The following DPYD variants were observed in gnomAD, a reference collection of about 807,000 sequenced individuals.
The protein encoded by DPYD is dihydropyrimidine dehydrogenase, also known as dihydropyrimidine dehydrogenase [NADP(+)].
A neutral mutation model predicts 116.2 loss-of-function variants in DPYD; 109 were observed. That is an observed-to-expected ratio of 0.94 (90% CI 0.80 to 1.10). The LOEUF is 1.10. Among genes scored for constraint, DPYD ranks in the 50% least tolerant of loss-of-function variants. The pLI, the probability that DPYD is intolerant of heterozygous loss-of-function variation, is 0.00. For missense variants in DPYD, 1,302 were observed against 1,254.5 expected, an observed-to-expected ratio of 1.04 and a Z score of -0.57; for synonymous variants, 440 against 432.0, an observed-to-expected ratio of 1.02 and a Z score of -0.23.
intron 11 of DPYD, among the ~76,000 whole-genome samples, chr1:97,567,233 T>C (rs1465169157): frequency 2.0e-5 from 3 of 152,122 alleles, no homozygotes; most frequent in Non-Finnish European, 2.9e-5. Flanking sequence ...AAAGCTGCTA[T>C]TGACAGAATG....
chr1:97,638,249 G>A (rs1657682285), intron 8 of DPYD, among the ~76,000 whole-genome samples: 1 of 152,038 alleles, frequency 6.6e-6, no homozygotes, highest in Non-Finnish European at 1.5e-5. Flanking sequence ...ACCAGGATTT[G>A]GTCAAGAGAG....
At position 97,206,646 on chromosome 1, in the gene DPYD, A is replaced by ATG. The variant is rs10651231; in HGVS notation, c.2443-13399_2443-13398insCA. Among the ~76,000 whole-genome samples the ATG allele has an allele frequency of 9.0e-3, 377 of 41,990 alleles. 3 individuals carry two copies. Among genetic ancestry groups the ATG allele is most frequent in the African/African-American group, 0.065 (298 of 4,600 alleles). 27.5% of individuals were successfully genotyped at this position (41,990 alleles called of 152,430 possible). A position where few individuals can be genotyped will look rare whatever the true frequency, so the allele number is the denominator to read the frequency against. On this transcript the variant is annotated intron_variant, in intron 19 of 22. Transcript: ENST00000370192. ...GTGAAAACAGGGAGATTTTATATAT[A>ATG]TATATATATATATATATATATATAT...
At chr1:97,848,242 C>T (rs1437377091) in intron 2 of DPYD, among the ~76,000 whole-genome samples, 3 of 152,106 alleles carry the variant, frequency 2.0e-5, no homozygotes, top group Non-Finnish European at 2.9e-5. Context: ...CAACTATAGG[C>T]GCCTGCCACC....
intron 12 of DPYD, among the ~76,000 whole-genome samples, chr1:97,526,712 G>T (rs1043922283): frequency 2.0e-5 from 3 of 152,048 alleles, no homozygotes; most frequent in African/African-American, 7.2e-5. Flanking sequence ...GTTTAAGTTC[G>T]GAAGATAGTC....
At chr1:97,504,260 C>T (rs1679758309) in intron 13 of DPYD, among the ~76,000 whole-genome samples, 1 of 151,910 alleles carries the variant, frequency 6.6e-6, no homozygotes, top group East Asian at 1.9e-4. Context: ...CAGTGTCCCA[C>T]TCTGCTTGAT....
At chr1:97,515,379 C>T (rs1396000944) in intron 13 of DPYD, among the ~76,000 whole-genome samples, 2 of 151,842 alleles carry the variant, frequency 1.3e-5, no homozygotes, top group Non-Finnish European at 2.9e-5. Context: ...GAATTTTGTG[C>T]AAACCAAATC....
At chr1:97,472,061 A>C (rs1404482166) in intron 13 of DPYD, among the ~76,000 whole-genome samples, 1 of 146,816 alleles carries the variant, frequency 6.8e-6, no homozygotes, top group Non-Finnish European at 1.5e-5. Flanking sequence ...GAAAAGAGTC[A>C]TACAAAAAAT....
intron 20 of DPYD, among the ~76,000 whole-genome samples, chr1:97,152,642 T>C (rs917923161): frequency 4.6e-5 from 7 of 150,992 alleles, no homozygotes; most frequent in Non-Finnish European, 8.8e-5. Context: ...ATATAACATA[T>C]ATATGCAAGG....
chr1:97,167,511 T>G (rs1570589265), intron 20 of DPYD, among the ~76,000 whole-genome samples: 1 of 152,290 alleles, frequency 6.6e-6, no homozygotes, highest in Admixed American at 6.5e-5. Context: ...GCTTTCTATA[T>G]TCTACAAAAG....
intron 12 of DPYD, chr1:97,546,538 A>G: frequency 6.3e-7 from 1 of 1,596,702 alleles, no homozygotes. Flanking sequence ...ACTACAAAGC[A>G]TACAGCAAGA....
At chr1:97,616,655 T>C (rs1378007752) in intron 8 of DPYD, among the ~76,000 whole-genome samples, 1 of 152,162 alleles carries the variant, frequency 6.6e-6, no homozygotes, top group Non-Finnish European at 1.5e-5. Flanking sequence ...ACTTAAGTGC[T>C]TAGATAACCG....
intron 2 of DPYD, among the ~76,000 whole-genome samples, chr1:97,870,755 A>G (rs983408128): frequency 6.6e-6 from 1 of 151,972 alleles, no homozygotes; most frequent in East Asian, 1.9e-4. Context: ...ACGTCAGTTC[A>G]AAGGATCAGA....
rs563042346 is a variant in DPYD, at chr1:97,558,685, G to C, written c.1340-8941C>G. On this transcript the variant is annotated intron_variant, in intron 11 of 22. Coordinates refer to ENST00000370192, the MANE Select transcript of DPYD (RefSeq NM_000110.4). Reference sequence around the variant, plus strand: ...CTCCCCAAGTTGAATGGAAACGATGGATGTCAATAATAGCCTATAGCAACT... The same window carrying C: ...CTCCCCAAGTTGAATGGAAACGATGCATGTCAATAATAGCCTATAGCAACT... Among the ~76,000 whole-genome samples the C allele has an allele frequency of 5.2e-4, 79 of 152,246 alleles. 1 individual carries two copies. The highest frequency in any genetic ancestry group is 1.9e-3 in the African/African-American group (79 of 41,564).
At chr1:97,339,477 A>G (rs1443038055) in intron 16 of DPYD, among the ~76,000 whole-genome samples, 1 of 152,238 alleles carries the variant, frequency 6.6e-6, no homozygotes, top group Non-Finnish European at 1.5e-5. Context: ...CTATGTTATT[A>G]AAAGAAAATG....
intron 11 of DPYD, among the ~76,000 whole-genome samples, chr1:97,555,063 A>T (rs1199736667): frequency 6.6e-6 from 1 of 152,134 alleles, no homozygotes; most frequent in Non-Finnish European, 1.5e-5. Flanking sequence ...TATTCCTTGA[A>T]TGAAAGTATG....
At chr1:97,751,700 T>A (rs1270136274) in intron 3 of DPYD, among the ~76,000 whole-genome samples, 1 of 151,236 alleles carries the variant, frequency 6.6e-6, no homozygotes, top group Non-Finnish European at 1.5e-5. Context: ...GCCCAGAAGG[T>A]CAAGGCTGCA....
rs539772908 is a variant in DPYD, at chr1:97,569,210, G to C, written c.1339+4550C>G. Among the ~76,000 whole-genome samples, 111 of 151,824 alleles carry C rather than the reference G, an allele frequency of 7.3e-4. 2 individuals are homozygous for C. Among genetic ancestry groups the C allele is most frequent in the African/African-American group, 2.7e-3 (111 of 41,462 alleles). On this transcript the variant is annotated intron_variant, in intron 11 of 22. Transcript: ENST00000370192. The stretch of plus-strand genomic sequence containing the variant: ...ACTAATGCAAAACTAACAGAAATTT[G>C]GGCCCACTTAACAACTGCCAGTTTG...
chr1:97,859,164 T>C (rs768992932), intron 2 of DPYD, among the ~76,000 whole-genome samples: 2 of 152,146 alleles, frequency 1.3e-5, no homozygotes, highest in Non-Finnish European at 2.9e-5. Flanking sequence ...ATTACACAAA[T>C]AACTCTAAGC....
intron 18 of DPYD, among the ~76,000 whole-genome samples, chr1:97,289,317 A>G (rs1266202690): frequency 6.6e-6 from 1 of 152,128 alleles, no homozygotes; most frequent in Non-Finnish European, 1.5e-5. Flanking sequence ...AAAAGAGGGA[A>G]TCCTCCCTAA....
Sources: gnomAD v4.1 joint callset for allele counts (sites outside exome capture counted in the v4.1 genomes callset) on GRCh38, gnomAD v4.1.1 for gene constraint, MANE v1.5 for transcripts, NCBI Gene and HGNC (gene_info 2026-07-23, HGNC 2026-07-21) for gene names.